SH2D3A: variants seen among roughly 807,000 people sequenced by gnomAD.
SH2D3A encodes SH2 domain containing 3A, also known as SH2 domain-containing protein 3A.
In SH2D3A, 46 loss-of-function variants were observed where a neutral mutation model predicts 50.6. The ratio of observed to expected loss-of-function variants is 0.91; its 90% CI spans 0.72 to 1.16. SH2D3A has a LOEUF of 1.16. Among genes scored for constraint, SH2D3A ranks in the 50% most tolerant of loss-of-function variants. The pLI is 0.00. For synonymous variants in SH2D3A, 377 were observed against 348.4 expected (o/e 1.08, Z -0.91); for missense variants, 783 against 786.2 (o/e 1.00, Z 0.05).
Position 6,753,626 on chromosome 19 carries a change from C to T in SH2D3A, c.1400G>A (p.Gly467Asp). 6.3e-7 allele frequency: 1 copy of T among 1,581,102 alleles called. No homozygotes were observed. The highest frequency in any genetic ancestry group is 8.6e-7 in the Non-Finnish European group (1 of 1,165,132). ...TGCCACGTGCGGCAGCGCCACCTCG[C>T]CGGGGTCGCAGGGTCCTGCGGAGGG... ...LDEGAGPCDP[G>D]EVALPHVAPM... Residue 467 changes from glycine to aspartate, a missense_variant, in exon 9 of 10, where the codon GGC (glycine) becomes GAC (aspartate). By Grantham distance (94) the Gly-to-Asp change is moderately conservative. Transcript: ENST00000245908.
At position 6,763,752 on chromosome 19, in the gene SH2D3A, G is replaced by A. The variant is rs749037722; in HGVS notation, c.-4C>T. 8.7e-6 allele frequency: 14 copies of A among 1,612,388 alleles called. No individual in the cohort carries two copies. In the South Asian group the frequency reaches 1.4e-4, roughly 17 times the overall value. On this transcript the variant is annotated 5_prime_UTR_variant, in exon 2 of 10. Transcript: ENST00000245908. ...CTCCATCCTGTGGCACCTGCATGGA[G>A]CTCTTGGGAACAGAGGGTGCCAGGG...
Position 6,760,997 on chromosome 19 carries a change from A to C in SH2D3A, c.70-10T>G, listed in dbSNP as rs7258083. The stretch of plus-strand genomic sequence containing the variant: ...GAAGAGCTTCAGCCTTCTGTGGATG[A>C]AGTTCAGGGGGCAGGGGAATTAGGA... On this transcript the variant is annotated splice_polypyrimidine_tract_variant and intron_variant, in intron 2 of 9. Coordinates refer to ENST00000245908, the MANE Select transcript of SH2D3A (RefSeq NM_005490.3). 4.4e-6 allele frequency: 7 copies of C among 1,598,216 alleles called. No homozygotes were observed. In the Admixed American group the frequency reaches 1.2e-4, roughly 27 times the overall value.
At position 6,754,243 on chromosome 19, in the gene SH2D3A, C is replaced by T; in HGVS notation, c.1272+8G>A. ...TCCAGCTTCCTCCAGTCCCTGCTCC[C>T]CACGAACCTGGGGCATGAGCAGGGC... On this transcript the variant is annotated splice_region_variant and intron_variant, in intron 7 of 9. Transcript: ENST00000245908. 6.2e-7 allele frequency: 1 copy of T among 1,602,458 alleles called. No homozygotes were observed. Among genetic ancestry groups the T allele is most frequent in the East Asian group, 2.2e-5 (1 of 44,696 alleles).
intron 4 of SH2D3A, chr19:6,758,133 GTATTTTATTT>G (rs372473117): frequency 1.7e-4 from 21 of 122,488 alleles, no homozygotes; most frequent in African/African-American, 6.1e-4. Flanking sequence ...GCTAATTTTT[GTATTTTATTT>G]TATTTTATTT....
chr19:6,752,710 G>A lies in SH2D3A; in HGVS notation c.1614C>T (p.Gly538=). 2 of 1,552,592 alleles carry A rather than the reference G, an allele frequency of 1.3e-6. No homozygotes were observed. The highest frequency in any genetic ancestry group is 1.7e-6 in the Non-Finnish European group (2 of 1,147,694). ...NPELREALTT[G]FVRRLLWGSR... ...TACCCCAGAGCAGCCTCCGCACGAA[G>A]CCGGTGGTCAGGGCCTCCCTCAGCT... is the stretch of plus-strand genomic sequence containing the variant. Residue 538 remains glycine (G), a synonymous_variant, in exon 10 of 10, where the codon GGC becomes GGT. Transcript: ENST00000245908.
At chr19:6,762,942 T>G (rs1305903027) in intron 2 of SH2D3A, among the ~76,000 whole-genome samples, 1 of 152,198 alleles carries the variant, frequency 6.6e-6, no homozygotes, top group Admixed American at 6.5e-5. Flanking sequence ...GTCTCAATTA[T>G]GGGATTTTAA....
At chr19:6,756,750 G>A (rs1309387808) in intron 4 of SH2D3A, among the ~76,000 whole-genome samples, 1 of 152,064 alleles carries the variant, frequency 6.6e-6, no homozygotes. Flanking sequence ...AGTGCTCACA[G>A]TAGCTGAAAA....
chr19:6,754,276 ACTGCAGCCAGCCCGGGCAGGT>A lies in SH2D3A; in HGVS notation c.1226_1246del (p.Asp409_Ala415del). 6.3e-7 allele frequency: 1 copy of A among 1,592,522 alleles called. No homozygotes were observed. The highest frequency in any genetic ancestry group is 1.3e-5 in the African/African-American group (1 of 74,838). The stretch of plus-strand genomic sequence containing the variant: ...CTGGGGCATGAGCAGGGCGCCCATG[ACTGCAGCCAGCCCGGGCAGGT>A]CCCCCGCCGCCCCTGGCCGCAGCGC... On this transcript the variant is annotated inframe_deletion, in exon 7 of 10. Coordinates refer to ENST00000245908, the MANE Select transcript of SH2D3A (RefSeq NM_005490.3).
At chr19:6,765,916 A>T (rs1970282352) in intron 1 of SH2D3A, among the ~76,000 whole-genome samples, 1 of 152,172 alleles carries the variant, frequency 6.6e-6, no homozygotes, top group African/African-American at 2.4e-5. Flanking sequence ...ACATTTTGGT[A>T]GTTTCCCGAT....
intron 4 of SH2D3A, chr19:6,759,322 A>C: frequency 3.1e-6 from 1 of 317,760 alleles, no homozygotes; most frequent in Non-Finnish European, 6.0e-6. Context: ...CATGTTGGCA[A>C]GGCTGGTCTC....
Position 6,755,199 on chromosome 19 carries a change from G to GCTGCCCATC in SH2D3A, c.604_612dup (p.Asp202_Gln204dup). On this transcript the variant is annotated inframe_insertion, in exon 5 of 10. Transcript: ENST00000245908. ...GGCTTCGTTGGTGCCTTGGCTTGAA[G>GCTGCCCATC]CTGCCCATCGGAGGCCCTGAGACTG... 1 of 1,582,844 alleles carries GCTGCCCATC rather than the reference G, an allele frequency of 6.3e-7. No homozygotes were observed. The highest frequency in any genetic ancestry group is 2.2e-5 in the East Asian group (1 of 44,572).
chr19:6,753,483 G>A lies in SH2D3A; in HGVS notation c.1543C>T (p.Arg515Cys). ...CGCAGGCGCTGGGCTGCCACCTTGC[G>A]GAATTTGGGTGCGTCCCGGACCATG... is the stretch of plus-strand genomic sequence containing the variant. ...RHMVRDAPKF[R>C]KVAAQRLRGF... The change falls in exon 9 of 10, where the codon CGC (arginine) becomes TGC (cysteine). Residue 515 changes from arginine (R) to cysteine (C), a missense_variant. Coordinates refer to ENST00000245908, the MANE Select transcript of SH2D3A (RefSeq NM_005490.3). 4 of 1,528,136 alleles carry A rather than the reference G, an allele frequency of 2.6e-6. No individual in the cohort carries two copies. The highest frequency in any genetic ancestry group is 1.2e-5 in the South Asian group (1 of 82,790). The allele number at this position is 1,528,136 out of a possible 1,614,324, so 94.7% of individuals were successfully genotyped here. A position where few individuals can be genotyped will look rare whatever the true frequency, so the allele number is the denominator to read the frequency against.
intron 4 of SH2D3A, chr19:6,757,379 G>A (rs369942461): frequency 1.4e-5 from 2 of 146,842 alleles, no homozygotes; most frequent in Non-Finnish European, 3.0e-5. Context: ...GTGCAATGGT[G>A]CGATCACGGC....
At chr19:6,765,127 C>G (rs1210642225) in intron 1 of SH2D3A, among the ~76,000 whole-genome samples, 2 of 151,876 alleles carry the variant, frequency 1.3e-5, no homozygotes, top group Non-Finnish European at 2.9e-5. Flanking sequence ...GTGATCCACC[C>G]TCCTCAGCCT....
Position 6,755,269 on chromosome 19 carries a change from G to T in SH2D3A, c.543C>A (p.Asp181Glu), listed in dbSNP as rs1186622039. The T allele has an allele frequency of 1.3e-5, 20 of 1,523,876 alleles. No individual in the cohort carries two copies. The highest frequency in any genetic ancestry group is 1.8e-5 in the Non-Finnish European group (20 of 1,136,290). 94.4% of individuals were successfully genotyped at this position (1,523,876 alleles called of 1,614,324 possible). Residue 181 changes from aspartate (D) to glutamate (E), a missense_variant, in exon 5 of 10, where the codon GAC becomes GAA. By Grantham distance (45) the Asp-to-Glu change is conservative. Coordinates refer to ENST00000245908, the MANE Select transcript of SH2D3A (RefSeq NM_005490.3). ...GAGCAGGGGCCTTCAGCAACACCGGGTCACTGCTCGTTCGGGGCAAGGCAG... is the reference window on the plus strand; with the variant it reads ...GAGCAGGGGCCTTCAGCAACACCGGTTCACTGCTCGTTCGGGGCAAGGCAG... ...PISALPRTSS[D>E]PVLLKAPAPL...
intron 4 of SH2D3A, chr19:6,758,842 G>A (rs937881269): frequency 6.6e-6 from 1 of 152,266 alleles, no homozygotes; most frequent in Non-Finnish European, 1.5e-5. Flanking sequence ...ATTCAGGTGA[G>A]TCCTCCTTTA....
At chr19:6,763,335 A>T (rs745455690) in intron 2 of SH2D3A, among the ~76,000 whole-genome samples, 5 of 152,068 alleles carry the variant, frequency 3.3e-5, no homozygotes, top group Non-Finnish European at 7.4e-5. Context: ...AACTGTTGGG[A>T]TTACAGGCGT....
chr19:6,753,918 C>G (rs1317320661), intron 8 of SH2D3A, 134 bp downstream of exon 8: 5 of 1,161,384 alleles, frequency 4.3e-6, no homozygotes, highest in Non-Finnish European at 3.5e-6. Flanking sequence ...GACCAACCCT[C>G]ATGTGGAGGG....
chr19:6,761,194 C>A lies in SH2D3A; in HGVS notation c.70-207G>T, dbSNP rs775272716. 1.4e-5 allele frequency: 8 copies of A among 570,998 alleles called. No homozygotes were observed. In the East Asian group the frequency reaches 1.8e-4, roughly 13 times the overall value. 35.4% of individuals were successfully genotyped at this position (570,998 alleles called of 1,614,324 possible). On this transcript the variant is annotated intron_variant, in intron 2 of 9. Coordinates refer to ENST00000245908, the MANE Select transcript of SH2D3A (RefSeq NM_005490.3). ...AGACTACATTTCCCAGGTTCCCTTG[C>A]GGCTAGGGTTGTCATGTGATGAGAA...
Sources: gnomAD v4.1 joint callset for allele counts (sites outside exome capture counted in the v4.1 genomes callset) on GRCh38, gnomAD v4.1.1 for gene constraint, MANE v1.5 for transcripts, NCBI Gene and HGNC (gene_info 2026-07-23, HGNC 2026-07-21) for gene names.